The following DNAH5 variants were observed in gnomAD, a reference collection of about 807,000 sequenced individuals.
DNAH5 encodes axonemal beta dynein heavy chain 5.
DNAH5 carries 372 observed loss-of-function variants against 518.2 expected under a neutral mutation model. The ratio of observed to expected loss-of-function variants is 0.72; its 90% CI spans 0.66 to 0.78. The LOEUF is 0.78. Among genes scored for constraint, DNAH5 ranks in the 30% least tolerant of loss-of-function variants. The pLI is 0.00. For missense variants in DNAH5, 5,523 were observed against 5,687.0 expected (o/e 0.97, Z 0.93); for synonymous variants, 2,039 against 2,025.9 (o/e 1.01, Z -0.17).
chr5:13,921,316 C>T (rs1231372969), intron 5 of DNAH5, among the ~76,000 whole-genome samples: 3 of 151,974 alleles, frequency 2.0e-5, no homozygotes, highest in Non-Finnish European at 4.4e-5. Context: ...GAGAGGAGGG[C>T]AGAGTGTCAC....
In DNAH5 at chr5:13,721,235, T is replaced by G. The variant is rs1060501463; in HGVS notation, c.12044A>C (p.Tyr4015Ser). Residue 4015 changes from tyrosine to serine, a missense_variant, in exon 71 of 79, where the codon TAC (tyrosine) becomes TCC (serine). This residue lies in a region of DNAH5 where 5,121 missense variants were observed against 5,223.3 expected (regional missense o/e 0.98). Coordinates refer to ENST00000265104, the MANE Select transcript of DNAH5 (RefSeq NM_001369.3). ...PDRTIAQARK[Y>S]IVDSMGEKYA... ...TTTTTCTCCCATGGAGTCCACGATG[T>G]ACTTGCGGGCCTGCCAAAAACAGTA... is the stretch of plus-strand genomic sequence containing the variant. The G allele has an allele frequency of 6.2e-7, 1 of 1,614,170 alleles. No individual in the cohort carries two copies. The highest frequency in any genetic ancestry group is 1.7e-5 in the Admixed American group (1 of 60,020).
At chr5:13,869,874 C>T (rs540889216) in intron 24 of DNAH5, among the ~76,000 whole-genome samples, 26 of 152,178 alleles carry the variant, frequency 1.7e-4, no homozygotes, top group Admixed American at 3.9e-4. Context: ...GGTGGCCTAA[C>T]ATGAGATTTC....
chr5:13,895,433 G>C (rs748573948), intron 15 of DNAH5, among the ~76,000 whole-genome samples: 10 of 152,112 alleles, frequency 6.6e-5, no homozygotes, highest in Non-Finnish European at 1.2e-4. Context: ...GCAGAAACAC[G>C]GGAATGGCAC....
intron 22 of DNAH5, among the ~76,000 whole-genome samples, chr5:13,874,516 G>T (rs114933297): frequency 0.012 from 1,750 of 151,980 alleles, 16 homozygotes; most frequent in Non-Finnish European, 0.018. Context: ...CCAGCTCAAC[G>T]TTTCTATATT....
rs1769137400 is a variant in DNAH5, at chr5:13,865,660, T to C, written c.4355+8A>G. 6.6e-7 allele frequency: 1 copy of C among 1,506,192 alleles called. No homozygotes were observed. The highest frequency in any genetic ancestry group is 1.4e-5 in the African/African-American group (1 of 72,624). The allele number at this position is 1,506,192 out of a possible 1,614,324, so 93.3% of individuals were successfully genotyped here. A position where few individuals can be genotyped will look rare whatever the true frequency, so the allele number is the denominator to read the frequency against. On this transcript the variant is annotated splice_region_variant and intron_variant, in intron 27 of 78. Coordinates refer to ENST00000265104, the MANE Select transcript of DNAH5 (RefSeq NM_001369.3). ...ATTGCTGGGCATGCTAAACATTTAA[T>C]TTCTTACCTGTTCTGGAATTCTAAG... is the stretch of plus-strand genomic sequence containing the variant.
intron 21 of DNAH5, among the ~76,000 whole-genome samples, chr5:13,881,587 G>A (rs77996012): frequency 0.014 from 2,080 of 152,010 alleles, 49 homozygotes; most frequent in African/African-American, 0.046. Context: ...CTCAAATCAG[G>A]TCAAAGAAGT....
intron 1 of DNAH5, among the ~76,000 whole-genome samples, chr5:13,986,294 G>A (rs1256352148): frequency 6.6e-6 from 1 of 152,158 alleles, no homozygotes; most frequent in Non-Finnish European, 1.5e-5. Context: ...CATCAGCCTA[G>A]AATACAACAT....
At chr5:13,797,637 A>G (rs1450982169) in intron 47 of DNAH5, among the ~76,000 whole-genome samples, 1 of 152,172 alleles carries the variant, frequency 6.6e-6, no homozygotes, top group Non-Finnish European at 1.5e-5. Context: ...ATTGTGGAAG[A>G]CAGTGTGGTG....
intron 53 of DNAH5, among the ~76,000 whole-genome samples, chr5:13,779,595 T>C (rs989595249): frequency 2.0e-5 from 3 of 152,244 alleles, no homozygotes; most frequent in Admixed American, 6.5e-5. Context: ...TGGTTAATCC[T>C]GAAATTCTGT....
chr5:13,895,748 C>G (rs1773842228), intron 15 of DNAH5, among the ~76,000 whole-genome samples: 2 of 152,164 alleles, frequency 1.3e-5, no homozygotes, highest in African/African-American at 2.4e-5. Flanking sequence ...TCACAAATGG[C>G]AGCAGCCTCC....
At chr5:13,836,296 G>C (rs1364475097) in intron 35 of DNAH5, among the ~76,000 whole-genome samples, 1 of 152,182 alleles carries the variant, frequency 6.6e-6, no homozygotes, top group Non-Finnish European at 1.5e-5. Flanking sequence ...TGGAGTTTGG[G>C]AGAGAAGCCC....
In DNAH5 at chr5:13,865,789, G is replaced by A. The variant is rs1769159424; in HGVS notation, c.4234C>T (p.Leu1412=). The A allele has an allele frequency of 6.2e-7, 1 of 1,612,950 alleles. No homozygotes were observed. Among genetic ancestry groups the A allele is most frequent in the Non-Finnish European group, 8.5e-7 (1 of 1,179,118 alleles). ...LLEIKKQLNL[L]QKIYTLYNSV... ...TTGTACAGAGTATATATTTTCTGTA[G>A]AAGATTTAGTTGCTTCTTTATTTCA... The change falls in exon 27 of 79, where the codon CTA becomes TTA. Residue 1412 remains leucine (L), a synonymous_variant. Transcript: ENST00000265104.
chr5:13,952,477 C>A (rs1780490298), intron 1 of DNAH5, among the ~76,000 whole-genome samples: 2 of 152,164 alleles, frequency 1.3e-5, no homozygotes, highest in Admixed American at 1.3e-4. Flanking sequence ...CACTTGGTGG[C>A]AGATCAGAGT....
At chr5:13,791,741 T>C (rs1021475233) in intron 50 of DNAH5, among the ~76,000 whole-genome samples, 4 of 152,218 alleles carry the variant, frequency 2.6e-5, no homozygotes, top group African/African-American at 9.6e-5. Context: ...GTTTCTTTTA[T>C]TCTTTTCATT....
intron 3 of DNAH5, among the ~76,000 whole-genome samples, chr5:13,925,373 C>T (rs868161487): frequency 1.4e-4 from 21 of 152,136 alleles, no homozygotes; most frequent in African/African-American, 4.8e-4. Context: ...GGGTCAAGAG[C>T]GTGTAGACTA....
At chr5:13,851,027 C>A (rs1002398933) in intron 30 of DNAH5, among the ~76,000 whole-genome samples, 2 of 152,154 alleles carry the variant, frequency 1.3e-5, no homozygotes, top group Admixed American at 1.3e-4. Flanking sequence ...CTTAGCTCAA[C>A]CTTGGTACTC....
chr5:13,891,217 G>C, intron 16 of DNAH5, 96 bp from the exon 17 acceptor site: 1 of 1,318,808 alleles, frequency 7.6e-7, no homozygotes. Context: ...AGTAAAATCA[G>C]CTTTAAAGAT....
rs1470654716 is a variant in DNAH5, at chr5:13,944,447, T to C, written c.-9A>G. 1 of 1,612,606 alleles carries C rather than the reference T, an allele frequency of 6.2e-7. No individual in the cohort carries two copies. The highest frequency in any genetic ancestry group is 1.7e-5 in the Admixed American group (1 of 60,012). ...CTCCCAATCCTAAACATTGTAGCCG[T>C]GCATGGACAGGCTGGAGTCAGCTCT... On this transcript the variant is annotated 5_prime_UTR_variant, in exon 1 of 79. Transcript: ENST00000265104.
intron 1 of DNAH5, among the ~76,000 whole-genome samples, chr5:13,956,346 A>G (rs984720856): frequency 6.6e-6 from 1 of 152,234 alleles, no homozygotes; most frequent in Non-Finnish European, 1.5e-5. Context: ...TGCTCATTAA[A>G]TATATGTTGA....
Sources: gnomAD v4.1 joint callset for allele counts (sites outside exome capture counted in the v4.1 genomes callset) on GRCh38, gnomAD v4.1.1 for gene constraint, gnomAD v4.1.1 regional missense constraint, MANE v1.5 for transcripts, NCBI Gene and HGNC (gene_info 2026-07-23, HGNC 2026-07-21) for gene names.